Variants in CCDC38 observed in about 807,000 individuals in gnomAD.
CCDC38 encodes coiled-coil domain containing 38, also known as coiled-coil domain-containing protein 38.
Under a neutral mutation model 72.8 loss-of-function variants are expected in CCDC38, and 69 were observed. The observed-to-expected ratio is 0.95, with a 90% CI of 0.78 to 1.16. The LOEUF is 1.16. CCDC38 is among the 50% of genes most tolerant of loss of function. CCDC38 has a pLI of 0.00. For missense variants in CCDC38, 626 were observed against 638.9 expected (o/e 0.98, Z 0.22); for synonymous variants, 201 against 213.2 (o/e 0.94, Z 0.50).
intron 2 of CCDC38, among the ~76,000 whole-genome samples, chr12:95,930,269 C>A (rs561151151): frequency 6.6e-6 from 1 of 152,110 alleles, no homozygotes; most frequent in South Asian, 2.1e-4. Context: ...TAGCAGATTA[C>A]CACAAACAGG....
intron 7 of CCDC38, among the ~76,000 whole-genome samples, chr12:95,897,832 G>C (rs1349356584): frequency 6.6e-6 from 1 of 152,088 alleles, no homozygotes; most frequent in Non-Finnish European, 1.5e-5. Context: ...CTGGGCTCAA[G>C]CGATCCTCCC....
intron 14 of CCDC38, chr12:95,869,842 G>A (rs1565939663): frequency 3.2e-6 from 1 of 316,860 alleles, no homozygotes; most frequent in Non-Finnish European, 5.7e-6. Flanking sequence ...TTTTTCCTCA[G>A]AGACAGAGTC....
chr12:95,918,978 T>A lies in CCDC38; in HGVS notation c.38-2A>T, dbSNP rs2080175138. 4 of 1,571,438 alleles carry A rather than the reference T, an allele frequency of 2.5e-6. No individual in the cohort carries two copies. The South Asian group carries it at 4.5e-5, about 18-fold the overall frequency. On this transcript the variant is annotated splice_acceptor_variant, in intron 2 of 15. Transcript: ENST00000344280. LOFTEE classifies it high-confidence loss of function. The stretch of plus-strand genomic sequence containing the variant: ...TGGTTGAGCCATCTTTTACTTTACC[T>A]GTTAAAAAAGAAAGAATGAATGAAT...
chr12:95,918,578 T>TA (rs1228912851), intron 3 of CCDC38, among the ~76,000 whole-genome samples: 5 of 152,156 alleles, frequency 3.3e-5, no homozygotes, highest in Non-Finnish European at 7.4e-5. Flanking sequence ...TTCAGAAATG[T>TA]AAAAAATGTG....
rs754154907 is a variant in CCDC38, at chr12:95,869,568, C to T, written c.1490G>A (p.Arg497His). The T allele has an allele frequency of 5.0e-6, 8 of 1,611,274 alleles. No homozygotes were observed. The East Asian group carries it at 6.7e-5, about 13-fold the overall frequency. ...TTGTTTTTCTTTCATTTTCTCATCA[C>T]GAAACCTGTCACAAGAAGGGAGAAA... The part of the protein sequence containing the change: ...MKQKEWRQKF[R>H]DEKMKEKQRH... Residue 497 changes from arginine (R) to histidine (H), a missense_variant, in exon 15 of 16, where the codon CGT becomes CAT. By Grantham distance (29) the Arg-to-His change is conservative. Coordinates refer to ENST00000344280, the MANE Select transcript of CCDC38 (RefSeq NM_182496.3).
At chr12:95,930,395 G>A (rs957655016) in intron 2 of CCDC38, among the ~76,000 whole-genome samples, 5 of 152,108 alleles carry the variant, frequency 3.3e-5, no homozygotes, top group African/African-American at 1.2e-4. Flanking sequence ...TCTATTCCAT[G>A]ACTTTAACCT....
intron 10 of CCDC38, among the ~76,000 whole-genome samples, chr12:95,882,936 T>A (rs540537547): frequency 6.6e-6 from 1 of 152,250 alleles, no homozygotes; most frequent in African/African-American, 2.4e-5. Flanking sequence ...CAGGCAGGCC[T>A]GCTCCTCTTA....
chr12:95,900,393 G>A (rs547320847), intron 5 of CCDC38, among the ~76,000 whole-genome samples: 4 of 152,186 alleles, frequency 2.6e-5, no homozygotes, highest in East Asian at 1.9e-4. Flanking sequence ...CCTTGTTATC[G>A]TCTTTATTCA....
chr12:95,879,616 A>C lies in CCDC38; in HGVS notation c.1142+28T>G. 1 of 1,505,834 alleles carries C rather than the reference A, an allele frequency of 6.6e-7. No individual in the cohort carries two copies. The highest frequency in any genetic ancestry group is 9.1e-7 in the Non-Finnish European group (1 of 1,098,108). 93.3% of individuals were successfully genotyped at this position (1,505,834 alleles called of 1,614,324 possible). A position where few individuals can be genotyped will look rare whatever the true frequency, so the allele number is the denominator to read the frequency against. On this transcript the variant is annotated intron_variant, in intron 12 of 15. Transcript: ENST00000344280. The surrounding 1 kb of genome is among the most constrained non-coding windows in gnomAD (Gnocchi z 5.5). ...CTCTGGTTAGAAATTGCTTAATGGAATAAATCTACTTGTTTATAATGACTT... is the reference window on the plus strand; with the variant it reads ...CTCTGGTTAGAAATTGCTTAATGGACTAAATCTACTTGTTTATAATGACTT...
At chr12:95,928,631 C>T (rs955085942) in intron 2 of CCDC38, among the ~76,000 whole-genome samples, 122 of 152,272 alleles carry the variant, frequency 8.0e-4, no homozygotes, top group Non-Finnish European at 1.5e-3. Flanking sequence ...TTTAGAGTTT[C>T]CAGTTTTTCT....
intron 10 of CCDC38, among the ~76,000 whole-genome samples, chr12:95,886,726 G>A (rs1185008223): frequency 6.6e-6 from 1 of 152,182 alleles, no homozygotes; most frequent in Non-Finnish European, 1.5e-5. Context: ...AACATCATTA[G>A]CTACTAGGAA....
chr12:95,892,081 C>CTTTTTT lies in CCDC38; in HGVS notation c.773-1157_773-1152dup, dbSNP rs67478657. On this transcript the variant is annotated intron_variant, in intron 8 of 15. Coordinates refer to ENST00000344280, the MANE Select transcript of CCDC38 (RefSeq NM_182496.3). ...TTCCCCTCTCCAAGGGATCACTCTG[C>CTTTTTT]TTTTTTTTTTTTTTTTTTTTTGAGA... is the stretch of plus-strand genomic sequence containing the variant. Among the ~76,000 whole-genome samples, 15 of 97,974 alleles carry CTTTTTT rather than the reference C, an allele frequency of 1.5e-4. No individual in the cohort carries two copies. The East Asian group carries it at 2.3e-3, about 15-fold the overall frequency. 64.3% of individuals were successfully genotyped at this position (97,974 alleles called of 152,430 possible).
At chr12:95,935,622 TG>T (rs2080384920) in intron 2 of CCDC38, 1 of 200,494 alleles carries the variant, frequency 5.0e-6, no homozygotes. Flanking sequence ...ATACAAATAG[TG>T]TCAAATGTTC....
intron 7 of CCDC38, 107 bp from the exon 8 acceptor site, chr12:95,895,253 T>C: frequency 1.5e-6 from 1 of 670,388 alleles, no homozygotes; most frequent in Non-Finnish European, 2.3e-6. Context: ...ATTAATAATT[T>C]AATTATCAAA....
intron 15 of CCDC38, 99 bp downstream of exon 15, chr12:95,869,381 C>G: frequency 2.3e-6 from 2 of 852,066 alleles, no homozygotes; most frequent in East Asian, 5.2e-5. Context: ...GATTATCTTT[C>G]TGAAGTTCAA....
intron 9 of CCDC38, among the ~76,000 whole-genome samples, chr12:95,889,897 CTTTA>C (rs10672045): frequency 0.13 from 19,640 of 150,322 alleles, 1,713 homozygotes; most frequent in Non-Finnish European, 0.19. Flanking sequence ...GCTTATTTTA[CTTTA>C]TTTATTTATT....
chr12:95,913,979 A>G (rs1036150635), intron 4 of CCDC38, among the ~76,000 whole-genome samples: 2 of 152,214 alleles, frequency 1.3e-5, no homozygotes, highest in African/African-American at 4.8e-5. Flanking sequence ...ATTAAATAAA[A>G]TACATATGAA....
At chr12:95,939,454 G>T (rs1565972957) in intron 1 of CCDC38, among the ~76,000 whole-genome samples, 1 of 152,198 alleles carries the variant, frequency 6.6e-6, no homozygotes, top group African/African-American at 2.4e-5. Context: ...TACAGCCACT[G>T]GGAGGCAAGA....
intron 4 of CCDC38, among the ~76,000 whole-genome samples, chr12:95,909,722 T>C (rs2136708996): frequency 6.6e-6 from 1 of 152,266 alleles, no homozygotes; most frequent in South Asian, 2.1e-4. Flanking sequence ...TGGGCTTTAC[T>C]CCTAGAATAC....
Sources: allele counts gnomAD v4.1 joint callset (sites outside exome capture counted in the v4.1 genomes callset), GRCh38; gene constraint gnomAD v4.1.1; non-coding constraint Gnocchi (gnomAD v3.1); transcripts MANE v1.5; gene names NCBI Gene and HGNC (gene_info 2026-07-23, HGNC 2026-07-21).